The following DRC11 variants were observed in gnomAD, a reference collection of about 807,000 sequenced individuals.
The protein encoded by DRC11 is dynein regulatory complex subunit 11, also known as IQ and AAA domain-containing protein 1.
At chr2:236,336,678 G>C in the DRC11 span, among the ~76,000 whole-genome samples, 1 of 152,100 alleles carries the variant, frequency 6.6e-6, no homozygotes, top group Admixed American at 6.5e-5. This position sits in a 1 kb window ranked among gnomAD's most constrained non-coding sequence, Gnocchi z 7.3. Context: ...AAGCACTTCT[G>C]TCTCCATTAG....
chr2:236,480,022 GTTTT>G, the DRC11 span, among the ~76,000 whole-genome samples: 3 of 135,414 alleles, frequency 2.2e-5, no homozygotes, highest in Non-Finnish European at 3.2e-5. Context: ...TGGTTGACAG[GTTTT>G]TTTTTTTTTT....
At chr2:236,357,029 A>ATATATCTATATAT in the DRC11 span, among the ~76,000 whole-genome samples, 2 of 86,752 alleles carry the variant, frequency 2.3e-5, no homozygotes, top group African/African-American at 9.7e-5. Flanking sequence ...ATATCTATAT[A>ATATATCTATATAT]TTTATATATT....
the DRC11 span, among the ~76,000 whole-genome samples, chr2:236,433,334 T>C: frequency 6.6e-6 from 1 of 152,202 alleles, no homozygotes; most frequent in Non-Finnish European, 1.5e-5. Context: ...ATATTATGTC[T>C]ATAGATGATG....
chr2:236,392,428 G>C, the DRC11 span: 9 of 732,364 alleles, frequency 1.2e-5, no homozygotes, highest in African/African-American at 1.1e-4. This position sits in a 1 kb window ranked among gnomAD's most constrained non-coding sequence, Gnocchi z 5.1. Flanking sequence ...TTAAAAAGAC[G>C]TAGGTTAATT....
At chr2:236,341,352 C>T in the DRC11 span, among the ~76,000 whole-genome samples, 8 of 152,158 alleles carry the variant, frequency 5.3e-5, no homozygotes, top group Admixed American at 3.9e-4. Flanking sequence ...TGGGAGGAGA[C>T]GCTACTCTCC....
the DRC11 span, among the ~76,000 whole-genome samples, chr2:236,499,585 C>T: frequency 6.6e-6 from 1 of 152,176 alleles, no homozygotes; most frequent in Non-Finnish European, 1.5e-5. The surrounding 1 kb of genome is among the most constrained non-coding windows in gnomAD (Gnocchi z 4.7). Flanking sequence ...TGTGCCACCA[C>T]CTCAGGCTAA....
At chr2:236,377,804 C>T in the DRC11 span, among the ~76,000 whole-genome samples, 4 of 152,182 alleles carry the variant, frequency 2.6e-5, no homozygotes, top group Non-Finnish European at 4.4e-5. This position sits in a 1 kb window ranked among gnomAD's most constrained non-coding sequence, Gnocchi z 4.9. Context: ...ATAGCCAGCA[C>T]ATTGGTAATT....
At chr2:236,314,497 G>C in the DRC11 span, among the ~76,000 whole-genome samples, 1 of 152,076 alleles carries the variant, frequency 6.6e-6, no homozygotes, top group Non-Finnish European at 1.5e-5. This position sits in a 1 kb window ranked among gnomAD's most constrained non-coding sequence, Gnocchi z 4.5. Flanking sequence ...AAAGCTATGA[G>C]AATTGCAAAC....
the DRC11 span, among the ~76,000 whole-genome samples, chr2:236,506,086 A>C: frequency 6.6e-6 from 1 of 152,110 alleles, no homozygotes; most frequent in African/African-American, 2.4e-5. The surrounding 1 kb of genome is among the most constrained non-coding windows in gnomAD (Gnocchi z 4.9). Context: ...TCTCAGTTCT[A>C]CCCCAACTTG....
At chr2:236,316,262 A>G in the DRC11 span, among the ~76,000 whole-genome samples, 1 of 152,032 alleles carries the variant, frequency 6.6e-6, no homozygotes, top group East Asian at 1.9e-4. The surrounding 1 kb of genome is among the most constrained non-coding windows in gnomAD (Gnocchi z 6.8). Flanking sequence ...TCCTGGGTTC[A>G]AGTGATTCTC....
At chr2:236,313,604 A>T in the DRC11 span, among the ~76,000 whole-genome samples, 1 of 152,220 alleles carries the variant, frequency 6.6e-6, no homozygotes, top group African/African-American at 2.4e-5. This position sits in a 1 kb window ranked among gnomAD's most constrained non-coding sequence, Gnocchi z 4.5. Context: ...AAAAACCTGT[A>T]TAGAAATCCT....
the DRC11 span, chr2:236,486,907 A>T: frequency 6.3e-7 from 1 of 1,596,400 alleles, no homozygotes; most frequent in Non-Finnish European, 8.6e-7. This position sits in a 1 kb window ranked among gnomAD's most constrained non-coding sequence, Gnocchi z 5.7. Flanking sequence ...AAACCTAAAA[A>T]CAAATAAATG....
the DRC11 span, among the ~76,000 whole-genome samples, chr2:236,501,747 A>G: frequency 6.6e-6 from 1 of 152,214 alleles, no homozygotes; most frequent in Non-Finnish European, 1.5e-5. Context: ...AACCATGCTC[A>G]AGTTGCTTTG....
At chr2:236,504,262 A>G in the DRC11 span, among the ~76,000 whole-genome samples, 1 of 151,776 alleles carries the variant, frequency 6.6e-6, no homozygotes, top group Non-Finnish European at 1.5e-5. The surrounding 1 kb of genome is among the most constrained non-coding windows in gnomAD (Gnocchi z 5.0). Context: ...ATTCATCCAC[A>G]CTGTCGCATA....
chr2:236,383,817 C>T, the DRC11 span, among the ~76,000 whole-genome samples: 1,359 of 151,932 alleles, frequency 8.9e-3, 10 homozygotes, highest in Non-Finnish European at 0.014. Context: ...CTCCCCACTC[C>T]CCCCACCCCA....
chr2:236,316,060 A>G, the DRC11 span, among the ~76,000 whole-genome samples: 1 of 152,114 alleles, frequency 6.6e-6, no homozygotes, highest in Admixed American at 6.5e-5. This position sits in a 1 kb window ranked among gnomAD's most constrained non-coding sequence, Gnocchi z 6.8. Flanking sequence ...TAGGCAAAGA[A>G]CTCTTAACAT....
the DRC11 span, among the ~76,000 whole-genome samples, chr2:236,424,204 A>C: frequency 6.6e-6 from 1 of 152,284 alleles, no homozygotes; most frequent in African/African-American, 2.4e-5. Flanking sequence ...AGTGTAAAAA[A>C]AAACTTTCAG....
At chr2:236,384,392 G>C in the DRC11 span, among the ~76,000 whole-genome samples, 8 of 152,044 alleles carry the variant, frequency 5.3e-5, no homozygotes, top group South Asian at 1.0e-3. Context: ...TTGTGGTTTT[G>C]ATTTGCATTT....
the DRC11 span, among the ~76,000 whole-genome samples, chr2:236,319,550 T>G: frequency 6.6e-6 from 1 of 152,184 alleles, no homozygotes; most frequent in African/African-American, 2.4e-5. The surrounding 1 kb of genome is among the most constrained non-coding windows in gnomAD (Gnocchi z 6.7). Flanking sequence ...CCTTGGGAAC[T>G]GTGACAGTCA....
Sources: allele counts gnomAD v4.1 joint callset (sites outside exome capture counted in the v4.1 genomes callset), GRCh38; gene constraint gnomAD v4.1.1; non-coding constraint Gnocchi (gnomAD v3.1); transcripts MANE v1.5; gene names NCBI Gene and HGNC (gene_info 2026-07-23, HGNC 2026-07-21).